Variants in USP6 observed in about 807,000 individuals in gnomAD.
The protein encoded by USP6 is ubiquitin carboxyl-terminal hydrolase 6.
Under a neutral mutation model 175.7 loss-of-function variants are expected in USP6, and 128 were observed. The observed-to-expected ratio is 0.73, with a 90% CI of 0.63 to 0.84. The LOEUF (loss-of-function observed/expected upper bound fraction) is 0.84. USP6 is among the 40% of genes least tolerant of loss of function. The pLI is 0.00. For synonymous variants in USP6, 562 were observed against 630.6 expected, an observed-to-expected ratio of 0.89 and a Z score of 1.63; for missense variants, 1,498 against 1,760.3, an observed-to-expected ratio of 0.85 and a Z score of 2.67.
rs2073371401 is a variant in USP6 at position 5,139,393 on chromosome 17, C to T, written c.1217C>T (p.Pro406Leu). Residue 406 changes from proline to leucine, a missense_variant, in exon 22 of 38, where the codon CCA becomes CTA. Pro to Leu is a moderately conservative substitution (Grantham distance 98). Coordinates refer to ENST00000574788, the MANE Select transcript of USP6 (RefSeq NM_001304284.2). The part of the protein sequence containing the change: ...FQRPICSASP[P>L]WASRFSTPCP... ...CGGCCCATTTGCTCAGCTTCCCCGC[C>T]ATGGGCATCTCGTTTTTCCACGCCC... 1.2e-6 allele frequency: 2 copies of T among 1,613,496 alleles called. No individual in the cohort carries two copies. Among genetic ancestry groups the T allele is most frequent in the Non-Finnish European group, 1.7e-6 (2 of 1,180,038 alleles).
chr17:5,161,139 T>G (rs1022317120), intron 31 of USP6, among the ~76,000 whole-genome samples: 1 of 152,268 alleles, frequency 6.6e-6, no homozygotes, highest in Admixed American at 6.5e-5. Context: ...AATATACAGC[T>G]TTCTGCAATG....
rs147367851 is a variant in USP6, at chr17:5,156,277, A to T, written c.2828+671A>T. On this transcript the variant is annotated intron_variant, in intron 31 of 37. Coordinates refer to ENST00000574788, the MANE Select transcript of USP6 (RefSeq NM_001304284.2). ...TGTGATGATGTCTTATTTTTATCTC[A>T]ATCAAATTGTAGATCATTTTCTTTT... Among the ~76,000 whole-genome samples the T allele has an allele frequency of 3.2e-3, 484 of 151,978 alleles. 3 individuals are homozygous for T. Among genetic ancestry groups the T allele is most frequent in the African/African-American group, 0.011 (466 of 41,496 alleles).
At chr17:5,169,649 C>T (rs1444489598) in intron 35 of USP6, among the ~76,000 whole-genome samples, 2 of 151,930 alleles carry the variant, frequency 1.3e-5, no homozygotes, top group Admixed American at 1.3e-4. Flanking sequence ...GCCATGTTTC[C>T]CAGGCTGGGC....
chr17:5,157,980 G>A (rs2073921657), intron 31 of USP6, among the ~76,000 whole-genome samples: 1 of 151,868 alleles, frequency 6.6e-6, no homozygotes. Context: ...CCATTTAATG[G>A]AAAAAGGAAA....
intron 28 of USP6, among the ~76,000 whole-genome samples, chr17:5,146,678 A>G (rs939347101): frequency 3.9e-5 from 6 of 152,174 alleles, no homozygotes; most frequent in Admixed American, 3.9e-4. Flanking sequence ...TAATAAATAT[A>G]TTGCTTACTC....
intron 13 of USP6, 89 bp downstream of exon 13, chr17:5,133,079 C>G (rs1213610022): frequency 6.8e-7 from 1 of 1,477,798 alleles, no homozygotes; most frequent in Non-Finnish European, 9.4e-7. Flanking sequence ...CCGTCAGCCT[C>G]TCAGAGGGCG....
chr17:5,173,643 C>T lies in USP6; in HGVS notation c.*665C>T. On this transcript the variant is annotated 3_prime_UTR_variant, in exon 38 of 38. Coordinates refer to ENST00000574788, the MANE Select transcript of USP6 (RefSeq NM_001304284.2). ...GGAGGCTCTCTTAAGAGCTATGTGC[C>T]TTCCAACCAGAGGGAGACCCAGTAG... 4.6e-6 allele frequency: 1 copy of T among 219,316 alleles called. No homozygotes were observed. The highest frequency in any genetic ancestry group is 6.7e-5 in the East Asian group (1 of 14,978). 13.6% of individuals were successfully genotyped at this position (219,316 alleles called of 1,614,324 possible). A position where few individuals can be genotyped will look rare whatever the true frequency, so the allele number is the denominator to read the frequency against.
intron 14 of USP6, 30 bp from the exon 15 acceptor site, chr17:5,133,857 C>T (rs748049184): frequency 3.7e-6 from 6 of 1,605,262 alleles, no homozygotes; most frequent in Admixed American, 1.7e-5. Context: ...TGTTCTGAGG[C>T]TGCTTCCTCC....
chr17:5,153,905 C>T (rs566837546), intron 30 of USP6, among the ~76,000 whole-genome samples: 1 of 152,242 alleles, frequency 6.6e-6, no homozygotes, highest in East Asian at 1.9e-4. Context: ...CTGCCTGCCT[C>T]GGCCTCCCGA....
intron 16 of USP6, 50 bp from the exon 17 acceptor site, chr17:5,135,758 C>T (rs1317144081): frequency 6.3e-7 from 1 of 1,597,178 alleles, no homozygotes; most frequent in Non-Finnish European, 8.5e-7. Flanking sequence ...TCCCAGGTGA[C>T]CTCAGCCCTC....
rs1377949214 is a variant in USP6 at position 5,139,426 on chromosome 17, G to A, written c.1250G>A (p.Gly417Asp). 1.2e-6 allele frequency: 2 copies of A among 1,613,076 alleles called. No homozygotes were observed. The highest frequency in any genetic ancestry group is 3.3e-5 in the Admixed American group (2 of 60,012). Residue 417 changes from glycine (G) to aspartate (D), a missense_variant, in exon 22 of 38, where the codon GGT (glycine) becomes GAT (aspartate). Gly to Asp is a moderately conservative substitution (Grantham distance 94, BLOSUM62 -1). Around this residue, in one of 2 missense-constraint regions of USP6, gnomAD observed 1,217 missense variants for 1,500.8 expected, o/e 0.81. Transcript: ENST00000574788. ...TCTCGTTTTTCCACGCCCTGTCCTGGTGGGGCTGTCCGGGAAGACACGTAC... is the reference window on the plus strand; with the variant it reads ...TCTCGTTTTTCCACGCCCTGTCCTGATGGGGCTGTCCGGGAAGACACGTAC... ...WASRFSTPCP[G>D]GAVREDTYPV...
At chr17:5,160,458 T>C (rs72830928) in intron 31 of USP6, among the ~76,000 whole-genome samples, 8 of 152,324 alleles carry the variant, frequency 5.3e-5, no homozygotes, top group African/African-American at 1.7e-4. Flanking sequence ...ATACAGCTTA[T>C]ATTTCGATAA....
intron 33 of USP6, among the ~76,000 whole-genome samples, chr17:5,166,348 C>T (rs1037565054): frequency 7.2e-5 from 11 of 152,324 alleles, no homozygotes; most frequent in African/African-American, 2.6e-4. Flanking sequence ...CAAACCCAAC[C>T]TTGCTAGTTT....
Position 5,124,875 on chromosome 17 carries a change from G to C in USP6, c.-989G>C, listed in dbSNP as rs2072837842. 1 of 152,198 alleles carries C rather than the reference G, an allele frequency of 6.6e-6. No individual in the cohort carries two copies. 9.4% of individuals were successfully genotyped at this position (152,198 alleles called of 1,614,324 possible). A position where few individuals can be genotyped will look rare whatever the true frequency, so the allele number is the denominator to read the frequency against. ...CTGCGGGACCCTTGGGTGGGTGTAG[G>C]TATGCAAGGTAATTTTGGGTGGTTC... On this transcript the variant is annotated 5_prime_UTR_variant, in exon 5 of 38. Coordinates refer to ENST00000574788, the MANE Select transcript of USP6 (RefSeq NM_001304284.2).
chr17:5,134,592 G>T (rs890671705), intron 15 of USP6: 19 of 174,328 alleles, frequency 1.1e-4, no homozygotes, highest in African/African-American at 4.3e-4. Context: ...AGCCTTCGGG[G>T]ATGGCCTTCA....
rs144371315 is a variant in USP6, at chr17:5,143,818, T to C, written c.1819-872T>C. On this transcript the variant is annotated intron_variant, in intron 25 of 37. Transcript: ENST00000574788. ...GTGCATGCTTGTAATCCCAGCTACT[T>C]GGGAGGCTGAGGCACGAGAAATGCT... is the stretch of plus-strand genomic sequence containing the variant. Among the ~76,000 whole-genome samples, 182 of 151,672 alleles carry C rather than the reference T, an allele frequency of 1.2e-3. 2 individuals carry two copies. The East Asian group carries it at 0.031, about 26-fold the overall frequency.
chr17:5,135,670 G>A lies in USP6; in HGVS notation c.544-138G>A, dbSNP rs2073229845. Reference sequence around the variant, plus strand: ...ATGGACTTTGCTCTTGTCATGAAATGAATTTGCATCCTGAGGAAGCCTCTT... The same window carrying A: ...ATGGACTTTGCTCTTGTCATGAAATAAATTTGCATCCTGAGGAAGCCTCTT... On this transcript the variant is annotated intron_variant, in intron 16 of 37. Coordinates refer to ENST00000574788, the MANE Select transcript of USP6 (RefSeq NM_001304284.2). The A allele has an allele frequency of 1.9e-6, 3 of 1,576,388 alleles. No individual in the cohort carries two copies. In the Middle Eastern group the frequency reaches 6.9e-4, roughly 363 times the overall value.
Position 5,132,583 on chromosome 17 carries a change from T to G in USP6, c.195+148T>G. On this transcript the variant is annotated intron_variant, in intron 12 of 37. Transcript: ENST00000574788. This position sits in a 1 kb window ranked among gnomAD's most constrained non-coding sequence, Gnocchi z 4.7. The stretch of plus-strand genomic sequence containing the variant: ...GGGGCAGCAGAGACCTGACCCCAAG[T>G]TGCTGTAACTTTGGCAGTTTGATAA... 1 of 1,477,964 alleles carries G rather than the reference T, an allele frequency of 6.8e-7. No homozygotes were observed. The highest frequency in any genetic ancestry group is 9.4e-7 in the Non-Finnish European group (1 of 1,059,294). 91.6% of individuals were successfully genotyped at this position (1,477,964 alleles called of 1,614,324 possible). A position where few individuals can be genotyped will look rare whatever the true frequency, so the allele number is the denominator to read the frequency against.
chr17:5,152,063 G>A (rs961093224), intron 30 of USP6, among the ~76,000 whole-genome samples: 16 of 152,084 alleles, frequency 1.1e-4, no homozygotes, highest in Admixed American at 7.2e-4. Context: ...CCAATATGGT[G>A]AAACTCCGTC....
Sources: gnomAD v4.1 joint callset for allele counts (sites outside exome capture counted in the v4.1 genomes callset) on GRCh38, gnomAD v4.1.1 for gene constraint, gnomAD v4.1.1 regional missense constraint, Gnocchi (gnomAD v3.1) non-coding constraint, MANE v1.5 for transcripts, NCBI Gene and HGNC (gene_info 2026-07-23, HGNC 2026-07-21) for gene names.